Variants in NBN observed in about 807,000 individuals in gnomAD.
NBN encodes the protein Nijmegen breakage syndrome 1 (nibrin).
A neutral mutation model predicts 90.8 loss-of-function variants in NBN; 88 were observed. The ratio of observed to expected loss-of-function variants is 0.97; its 90% CI spans 0.82 to 1.16. The LOEUF (loss-of-function observed/expected upper bound fraction) is 1.16, where lower values mean the gene tolerates loss of function less well. NBN is among the 50% of genes most tolerant of loss of function. The pLI is 0.00. For synonymous variants in NBN, 328 were observed against 295.1 expected, an observed-to-expected ratio of 1.11 and a Z score of -1.14; for missense variants, 894 against 869.6, an observed-to-expected ratio of 1.03 and a Z score of -0.35.
chr8:89,935,764 T>C (rs1166938746), intron 15 of NBN, 152 bp from the exon 16 acceptor site: 1 of 870,972 alleles, frequency 1.1e-6, no homozygotes, highest in African/African-American at 1.7e-5. Flanking sequence ...ACTGACATTT[T>C]TATTTTCATG....
At chr8:89,984,413 TCCGCAGCGTC>T (rs1407786627) in intron 1 of NBN, 102 bp downstream of exon 1, 1 of 1,030,196 alleles carries the variant, frequency 9.7e-7, no homozygotes, top group African/African-American at 1.6e-5. Context: ...TGCGACCGCT[TCCGCAGCGTC>T]CCCGGGCAGG....
In NBN at chr8:89,953,569, T is replaced by C. The variant is rs587782520; in HGVS notation, c.1520A>G (p.His507Arg). Residue 507 changes from histidine (H) to arginine (R), a missense_variant, in exon 11 of 16, where the codon CAT becomes CGT. Transcript: ENST00000265433. ...TPSLWKNKEQ[H>R]LSENEPVDTN... ...GTCCACAGGCTCATTCTCAGATAGA[T>C]GCTGCTCCTTATTTTTCCACAATGA... The C allele has an allele frequency of 1.9e-6, 3 of 1,613,850 alleles. No homozygotes were observed. Among genetic ancestry groups the C allele is most frequent in the South Asian group, 1.1e-5 (1 of 91,068 alleles).
Position 89,984,547 on chromosome 8 carries a change from C to A in NBN, c.15G>T (p.Leu5=). 6.2e-7 allele frequency: 1 copy of A among 1,613,208 alleles called. No individual in the cohort carries two copies. The highest frequency in any genetic ancestry group is 8.5e-7 in the Non-Finnish European group (1 of 1,179,802). The part of the protein sequence containing the change: MWKL[L]PAAGPAGGEP... Reference sequence around the variant, plus strand: ...TACCTCCTGCCGGGCCCGCGGCGGGCAGCAGTTTCCACATCGGTCCGGCTC... The same window carrying A: ...TACCTCCTGCCGGGCCCGCGGCGGGAAGCAGTTTCCACATCGGTCCGGCTC... The change falls in exon 1 of 16, where the codon CTG becomes CTT. Residue 5 remains leucine, a synonymous_variant. Transcript: ENST00000265433.
chr8:89,935,685 C>T, intron 15 of NBN, 73 bp from the exon 16 acceptor site: 2 of 1,565,838 alleles, frequency 1.3e-6, no homozygotes, highest in East Asian at 4.5e-5. Flanking sequence ...AAAGAACTTT[C>T]AAACTGTAGT....
At chr8:89,954,913 A>T (rs539671815) in intron 10 of NBN, among the ~76,000 whole-genome samples, 2 of 152,274 alleles carry the variant, frequency 1.3e-5, no homozygotes, top group African/African-American at 4.8e-5. Context: ...TGGGATGATC[A>T]ATATATTCAA....
chr8:89,978,557 C>A (rs903685315), intron 4 of NBN, among the ~76,000 whole-genome samples: 1 of 152,048 alleles, frequency 6.6e-6, no homozygotes, highest in African/African-American at 2.4e-5. Flanking sequence ...TAAGAAGTCA[C>A]CGATTATAAT....
At chr8:89,945,100 G>A (rs749408376) in intron 13 of NBN, among the ~76,000 whole-genome samples, 39 of 152,072 alleles carry the variant, frequency 2.6e-4, no homozygotes, top group Non-Finnish European at 4.3e-4. Flanking sequence ...ACCACTCTGT[G>A]CCAGTAGTAA....
rs376695206 is a variant in NBN at position 89,970,351 on chromosome 8, A to C, written c.896+13T>G. The C allele has an allele frequency of 9.7e-5, 154 of 1,591,182 alleles. No individual in the cohort carries two copies. Among genetic ancestry groups the C allele is most frequent in the Admixed American group, 2.2e-4 (13 of 59,878 alleles). ...TACTTGCAGTTTTTTACTAATAAAG[A>C]ATAATTCTATACCTTTGGAGCATAT... On this transcript the variant is annotated intron_variant, in intron 7 of 15. Transcript: ENST00000265433.
chr8:89,982,085 A>C, intron 2 of NBN: 1 of 456,844 alleles, frequency 2.2e-6, no homozygotes, highest in Non-Finnish European at 3.7e-6. Flanking sequence ...ATAATGGCTC[A>C]TCTTTCTTAT....
At chr8:89,978,646 C>T (rs566645734) in intron 4 of NBN, among the ~76,000 whole-genome samples, 3 of 152,080 alleles carry the variant, frequency 2.0e-5, no homozygotes, top group East Asian at 3.9e-4. Context: ...ATTCCACTTT[C>T]GAAGACATTA....
Position 89,943,237 on chromosome 8 carries a change from C to T in NBN, c.2184+16G>A. On this transcript the variant is annotated intron_variant, in intron 14 of 15. Transcript: ENST00000265433. ...GTGCAATTTAAGCAAGTTTCTGGGC[C>T]TCACTTCCTACTAACCTCCATTTCC... is the stretch of plus-strand genomic sequence containing the variant. The T allele has an allele frequency of 3.1e-6, 5 of 1,613,390 alleles. No homozygotes were observed. The highest frequency in any genetic ancestry group is 4.2e-6 in the Non-Finnish European group (5 of 1,179,586).
chr8:89,953,166 T>C, intron 11 of NBN, 78 bp downstream of exon 11: 1 of 1,045,378 alleles, frequency 9.6e-7, no homozygotes, highest in Non-Finnish European at 1.5e-6. Flanking sequence ...ATGCTCATAC[T>C]GTCAATACAA....
At chr8:89,982,617 T>A (rs187129819) in intron 2 of NBN, 105 bp downstream of exon 2, 3 of 1,089,520 alleles carry the variant, frequency 2.8e-6, no homozygotes, top group African/African-American at 3.1e-5. Flanking sequence ...CACAGCTCTA[T>A]AAAATGACAA....
chr8:89,968,374 G>A (rs1258826315), intron 7 of NBN, among the ~76,000 whole-genome samples: 1 of 152,086 alleles, frequency 6.6e-6, no homozygotes, highest in East Asian at 1.9e-4. Flanking sequence ...ACCTCAGGGT[G>A]TCAATATGTG....
intron 5 of NBN, among the ~76,000 whole-genome samples, chr8:89,974,371 C>A (rs1172679320): frequency 6.6e-6 from 1 of 150,870 alleles, no homozygotes; most frequent in Non-Finnish European, 1.5e-5. Flanking sequence ...TATTTCTTAC[C>A]TTCGATTTAA....
chr8:89,946,364 G>T (rs1810194434), intron 12 of NBN, 69 bp from the exon 13 acceptor site: 11 of 1,388,470 alleles, frequency 7.9e-6, no homozygotes, highest in Non-Finnish European at 1.1e-5. Flanking sequence ...TTGTCATTTG[G>T]GAATCTATAG....
In NBN at chr8:89,982,785, T is replaced by A; in HGVS notation, c.108A>T (p.Glu36Asp). ...GATTTCGGCTGATCGACTGATCATTTTCAATCAGAATGGCACAGTTTTTCC... is the reference window on the plus strand; with the variant it reads ...GATTTCGGCTGATCGACTGATCATTATCAATCAGAATGGCACAGTTTTTCC... ...VGRKNCAILIENDQSISRNHA... is the reference protein window; with the variant it reads ...VGRKNCAILIDNDQSISRNHA... Residue 36 changes from glutamate to aspartate, a missense_variant, in exon 2 of 16, where the codon GAA becomes GAT. Coordinates refer to ENST00000265433, the MANE Select transcript of NBN (RefSeq NM_002485.5). 1 of 1,613,962 alleles carries A rather than the reference T, an allele frequency of 6.2e-7. No homozygotes were observed. The highest frequency in any genetic ancestry group is 8.5e-7 in the Non-Finnish European group (1 of 1,179,888).
At chr8:89,938,753 T>C (rs1000198810) in intron 14 of NBN, among the ~76,000 whole-genome samples, 7 of 152,192 alleles carry the variant, frequency 4.6e-5, no homozygotes, top group Non-Finnish European at 7.4e-5. Flanking sequence ...TTCTATCATA[T>C]AGTGAAACAA....
At chr8:89,965,055 A>T (rs1284712589) in intron 7 of NBN, among the ~76,000 whole-genome samples, 2 of 152,172 alleles carry the variant, frequency 1.3e-5, no homozygotes, top group Non-Finnish European at 2.9e-5. Flanking sequence ...TGGAGGTTGC[A>T]GTAAGCTGAG....
Sources: allele counts gnomAD v4.1 joint callset (sites outside exome capture counted in the v4.1 genomes callset), GRCh38; gene constraint gnomAD v4.1.1; transcripts MANE v1.5; gene names NCBI Gene and HGNC (gene_info 2026-07-23, HGNC 2026-07-21).